Variants in ABTB1 observed in about 807,000 individuals in gnomAD.
ABTB1 encodes the protein ankyrin repeat and BTB domain containing 1, also known as ankyrin repeat and BTB/POZ domain-containing protein 1.
A neutral mutation model predicts 57.1 loss-of-function variants in ABTB1; 45 were observed. The observed-to-expected ratio is 0.79, with a 90% CI of 0.62 to 1.01. The LOEUF (loss-of-function observed/expected upper bound fraction) is 1.01. Ranked by LOEUF, ABTB1 falls within the 50% of genes least tolerant of loss-of-function variation. ABTB1 has a pLI of 0.00. For synonymous variants in ABTB1, 302 were observed against 275.4 expected, an observed-to-expected ratio of 1.10 and a Z score of -0.95; for missense variants, 630 against 666.3, an observed-to-expected ratio of 0.95 and a Z score of 0.60.
Position 127,680,413 on chromosome 3 carries a change from GA to G in ABTB1, c.1376del (p.Glu459GlyfsTer136), listed in dbSNP as rs1559891829. 8.1e-6 allele frequency: 13 copies of G among 1,607,826 alleles called. No homozygotes were observed. The highest frequency in any genetic ancestry group is 1.1e-5 in the Non-Finnish European group (13 of 1,177,752). ...STVQTYSAIE[E>X]AQQRLRALED... is the part of the protein sequence containing the mutation. ...GGTGCAGACCTACAGCGCCATAGAG[GA>G]GGCGCAGCAGCGTCTGCGGGCACTC... is the stretch of plus-strand genomic sequence containing the variant. On this transcript the variant is annotated frameshift_variant, in exon 12 of 12. Transcript: ENST00000232744. LOFTEE classifies it high-confidence loss of function.
intron 1 of ABTB1, 28 bp from the exon 2 acceptor site, chr3:127,674,363 C>A (rs1195050354): frequency 3.1e-6 from 5 of 1,595,010 alleles, no homozygotes; most frequent in Non-Finnish European, 4.3e-6. Context: ...CCCGTCCTGA[C>A]CCAGGCTCTG....
At chr3:127,673,214 C>A in intron 1 of ABTB1, 133 bp downstream of exon 1, 3 of 1,010,390 alleles carry the variant, frequency 3.0e-6, no homozygotes, top group South Asian at 2.5e-5. Flanking sequence ...GGAGCGCCCC[C>A]GCGGGGCAGA....
Position 127,676,936 on chromosome 3 carries a change from C to A in ABTB1, c.527-31C>A, listed in dbSNP as rs370074335. On this transcript the variant is annotated intron_variant, in intron 6 of 11. Transcript: ENST00000232744. This position sits in a 1 kb window ranked among gnomAD's most constrained non-coding sequence, Gnocchi z 5.4. ...GTGGGCCTGATGACAGCTGAGGTCC[C>A]GCAGGCCCTCATCCTCCCCACTGCC... 4.2e-5 allele frequency: 67 copies of A among 1,593,812 alleles called. No individual in the cohort carries two copies. Among genetic ancestry groups the A allele is most frequent in the Non-Finnish European group, 5.6e-5 (65 of 1,163,558 alleles).
In ABTB1 at chr3:127,675,949, G is replaced by A. The variant is rs201523563; in HGVS notation, c.176-21G>A. The A allele has an allele frequency of 9.0e-4, 1,433 of 1,597,104 alleles. 2 individuals carry two copies. Among genetic ancestry groups the A allele is most frequent in the South Asian group, 1.7e-3 (154 of 90,670 alleles). ...CCCCCAGGCCCCTTCCCTGCTAACT[G>A]GTGAGCCCTGCCTCCCCCAGGAGCC... On this transcript the variant is annotated intron_variant, in intron 3 of 11. Coordinates refer to ENST00000232744, the MANE Select transcript of ABTB1 (RefSeq NM_172027.3).
chr3:127,680,173 G>A lies in ABTB1; in HGVS notation c.1218G>A (p.Lys406=), dbSNP rs2075097408. Residue 406 remains lysine, a synonymous_variant, in exon 11 of 12, where the codon AAG becomes AAA. Transcript: ENST00000232744. ...ACCAGTGCACTGAGTACATGGCCAAGGTCATTGAGAAGGTGGGCCAGTGGT... is the reference window on the plus strand; with the variant it reads ...ACCAGTGCACTGAGTACATGGCCAAAGTCATTGAGAAGGTGGGCCAGTGGT... The part of the protein sequence containing the change: ...LEDQCTEYMA[K]VIEKLVERED... 6.2e-7 allele frequency: 1 copy of A among 1,613,814 alleles called. No individual in the cohort carries two copies. The highest frequency in any genetic ancestry group is 1.3e-5 in the African/African-American group (1 of 74,948).
rs780188782 is a variant in ABTB1 at position 127,680,640 on chromosome 3, G to A, written c.*165G>A. On this transcript the variant is annotated 3_prime_UTR_variant, in exon 12 of 12. Transcript: ENST00000232744. ...TCCCTCCATGAGCCTGGAGACCCCA[G>A]GGGAGGATCCATTTGGGATGAGCCC... 4 of 907,870 alleles carry A rather than the reference G, an allele frequency of 4.4e-6. No homozygotes were observed. In the East Asian group the frequency reaches 9.6e-5, roughly 22 times the overall value. 56.2% of individuals were successfully genotyped at this position (907,870 alleles called of 1,614,324 possible).
chr3:127,674,486 G>C (rs747036426), intron 2 of ABTB1, 33 bp downstream of exon 2: 2 of 1,359,714 alleles, frequency 1.5e-6, no homozygotes, highest in East Asian at 2.3e-5. Flanking sequence ...GGGAGGGTGG[G>C]GGTTGGTGCA....
intron 10 of ABTB1, chr3:127,679,435 A>G (rs1038373129): frequency 4.6e-6 from 2 of 434,886 alleles, no homozygotes; most frequent in Non-Finnish European, 9.4e-6. Flanking sequence ...AGTCTTATCC[A>G]GCACAGGATG....
chr3:127,677,755 CAGG>C lies in ABTB1; in HGVS notation c.942_944del (p.Gly316del). On this transcript the variant is annotated inframe_deletion, in exon 10 of 12. Transcript: ENST00000232744. ...CGAGAGAGCGAGGAGCCAGCGACCT[CAGG>C]GGGCCCCCCAGCCGTCACCCTGCAT... The C allele has an allele frequency of 6.2e-7, 1 of 1,611,720 alleles. No homozygotes were observed. Among genetic ancestry groups the C allele is most frequent in the Non-Finnish European group, 8.5e-7 (1 of 1,179,158 alleles).
At chr3:127,678,177 T>C (rs2075032612) in intron 10 of ABTB1, 1 of 274,308 alleles carries the variant, frequency 3.6e-6, no homozygotes, top group Non-Finnish European at 7.1e-6. Context: ...GGGTTCTGGG[T>C]TCCCAGTCTC....
chr3:127,677,082 T>C lies in ABTB1; in HGVS notation c.642T>C (p.Phe214=), dbSNP rs1240458668. ...LEAKCEKVSE[F]VASKPGTCVK... ...CCAAGTGCGAGAAGGTGTCTGAGTT[T>C]GGTGCGAGCAGGGTTTGGGGCCCGG... is the stretch of plus-strand genomic sequence containing the variant. Residue 214 remains phenylalanine (F), a splice_region_variant and synonymous_variant, in exon 7 of 12, where the codon TTT becomes TTC. Transcript: ENST00000232744. 5 of 1,613,942 alleles carry C rather than the reference T, an allele frequency of 3.1e-6. No individual in the cohort carries two copies. The highest frequency in any genetic ancestry group is 4.2e-6 in the Non-Finnish European group (5 of 1,179,976).
Position 127,680,084 on chromosome 3 carries a change from G to GACGAGGAC in ABTB1, c.1132_1139dup (p.Val381ArgfsTer44). The GACGAGGAC allele has an allele frequency of 6.2e-7, 1 of 1,613,914 alleles. No homozygotes were observed. Among genetic ancestry groups the GACGAGGAC allele is most frequent in the Non-Finnish European group, 8.5e-7 (1 of 1,180,036 alleles). ...CGGCCGCAGCCTGGCTCAGATGCTAGACGAGGACACTGTGGTGGGTGTGTG... is the reference window on the plus strand; with the variant it reads ...CGGCCGCAGCCTGGCTCAGATGCTAGACGAGGACACGAGGACACTGTGGTGGGTGTGTG... On this transcript the variant is annotated frameshift_variant, in exon 11 of 12. Transcript: ENST00000232744. LOFTEE classifies it high-confidence loss of function.
intron 1 of ABTB1, among the ~76,000 whole-genome samples, chr3:127,673,932 A>T (rs990755617): frequency 5.3e-5 from 8 of 152,148 alleles, no homozygotes; most frequent in Non-Finnish European, 7.3e-5. Context: ...GCATCCCATC[A>T]GTTGCTGTAT....
intron 3 of ABTB1, chr3:127,675,630 G>C (rs1298302257): frequency 3.1e-6 from 1 of 321,468 alleles, no homozygotes; most frequent in Non-Finnish European, 6.0e-6. Context: ...TGATTGTCCT[G>C]CCTCACTAGA....
intron 1 of ABTB1, chr3:127,674,025 C>A: frequency 3.4e-6 from 1 of 291,628 alleles, no homozygotes. Flanking sequence ...CTCCCTGCTT[C>A]TAACAGGGCC....
At chr3:127,673,198 GCCCTCGGAGCGCC>G (rs2074889273) in intron 1 of ABTB1, 117 bp downstream of exon 1, 3 of 1,139,574 alleles carry the variant, frequency 2.6e-6, no homozygotes. Context: ...CCGGGTCACA[GCCCTCGGAGCGCC>G]CCCGCGGGGC....
At chr3:127,674,134 C>T (rs1286624130) in intron 1 of ABTB1, 1 of 535,054 alleles carries the variant, frequency 1.9e-6, no homozygotes, top group Admixed American at 3.2e-5. Context: ...GGCACTGGCT[C>T]TGGCTTCTGT....
chr3:127,678,327 T>G (rs2075038183), intron 10 of ABTB1: 1 of 163,344 alleles, frequency 6.1e-6, no homozygotes, highest in African/African-American at 2.4e-5. Context: ...TGCGTGCGCG[T>G]GCGCGCGCAC....
chr3:127,672,964 A>C lies in ABTB1; in HGVS notation c.-62A>C, dbSNP rs1482104559. 1.1e-4 allele frequency: 160 copies of C among 1,503,410 alleles called. No homozygotes were observed. Among genetic ancestry groups the C allele is most frequent in the Non-Finnish European group, 1.4e-4 (157 of 1,121,314 alleles). The allele number at this position is 1,503,410 out of a possible 1,614,324, so 93.1% of individuals were successfully genotyped here. ...GCGGGGCGGGGCTGAGCGTGTTTACATCCGCCGGGTGCGCGGCTTCGCCGC... is the reference window on the plus strand; with the variant it reads ...GCGGGGCGGGGCTGAGCGTGTTTACCTCCGCCGGGTGCGCGGCTTCGCCGC... On this transcript the variant is annotated 5_prime_UTR_variant, in exon 1 of 12. Coordinates refer to ENST00000232744, the MANE Select transcript of ABTB1 (RefSeq NM_172027.3).
Sources: allele counts gnomAD v4.1 joint callset (sites outside exome capture counted in the v4.1 genomes callset), GRCh38; gene constraint gnomAD v4.1.1; non-coding constraint Gnocchi (gnomAD v3.1); transcripts MANE v1.5; gene names NCBI Gene and HGNC (gene_info 2026-07-23, HGNC 2026-07-21).